HERC4: variants seen among roughly 807,000 people sequenced by gnomAD.
The protein encoded by HERC4 is HECT and RLD domain containing E3 ubiquitin protein ligase 4.
A neutral mutation model predicts 124.3 loss-of-function variants in HERC4; 28 were observed. The observed-to-expected ratio is 0.23, with a 90% CI of 0.17 to 0.31. HERC4 has a LOEUF of 0.31. Among genes scored for constraint, HERC4 ranks in the 10% least tolerant of loss-of-function variants. The pLI, the probability that HERC4 is intolerant of heterozygous loss-of-function variation, is 1.00. For synonymous variants in HERC4, 407 were observed against 421.5 expected, an observed-to-expected ratio of 0.97 and a Z score of 0.42; for missense variants, 713 against 1,229.3, an observed-to-expected ratio of 0.58 and a Z score of 6.28.
At chr10:68,064,962 C>T (rs1274455228) in intron 3 of HERC4, among the ~76,000 whole-genome samples, 1 of 148,588 alleles carries the variant, frequency 6.7e-6, no homozygotes, top group Non-Finnish European at 1.5e-5. Flanking sequence ...CAGAGCAAGG[C>T]TCCATCTCAA....
At chr10:67,994,920 C>G (rs1457419416) in intron 9 of HERC4, 3 of 178,240 alleles carry the variant, frequency 1.7e-5, no homozygotes, top group Non-Finnish European at 3.5e-5. Context: ...GAACTCCTGA[C>G]CTCAAGTGAT....
intron 20 of HERC4, 50 bp from the exon 21 acceptor site, chr10:67,939,704 T>C: frequency 4.5e-6 from 5 of 1,103,624 alleles, no homozygotes; most frequent in Non-Finnish European, 2.7e-6. Flanking sequence ...TTGGATATTT[T>C]GACTATTTTA....
chr10:67,932,684 T>G lies in HERC4; in HGVS notation c.2751A>C (p.Gly917=). ...GCTGAAAGAGCAGAAGGACTTTTCC[T>G]CCACAGACCTTATGAAAGCCCGCAT... is the stretch of plus-strand genomic sequence containing the variant. ...AFHAGFHKVC[G]GKVLLLFQPN... is the part of the protein sequence containing the mutation. Residue 917 remains glycine, a synonymous_variant, in exon 23 of 25, where the codon GGA becomes GGC. Transcript: ENST00000373700. 6.2e-7 allele frequency: 1 copy of G among 1,604,334 alleles called. No homozygotes were observed. The highest frequency in any genetic ancestry group is 1.1e-5 in the South Asian group (1 of 88,184).
intron 15 of HERC4, among the ~76,000 whole-genome samples, chr10:67,977,304 A>G (rs1311613063): frequency 6.6e-6 from 1 of 152,168 alleles, no homozygotes. Context: ...CTAGATACAC[A>G]GTGGCCAGAA....
At chr10:68,056,707 G>A (rs1369071939) in intron 3 of HERC4, among the ~76,000 whole-genome samples, 1 of 152,132 alleles carries the variant, frequency 6.6e-6, no homozygotes, top group Non-Finnish European at 1.5e-5. Context: ...AAGAGCTACT[G>A]GCCACAGTTC....
In HERC4 at chr10:67,932,710, G is replaced by A. The variant is rs1173955113; in HGVS notation, c.2725C>T (p.His909Tyr). ...CCACAGACCTTATGAAAGCCCGCAT[G>A]AAAAGCATCAAATAAGGAAGCCACT... ...KSVASLFDAFHAGFHKVCGGK... is the reference protein window; with the variant it reads ...KSVASLFDAFYAGFHKVCGGK... The change falls in exon 23 of 25, where the codon CAT becomes TAT. Residue 909 changes from histidine (H) to tyrosine (Y), a missense_variant. Physicochemically the swap from His to Tyr is moderately conservative, Grantham distance 83 (BLOSUM62 2). Coordinates refer to ENST00000373700, the MANE Select transcript of HERC4 (RefSeq NM_015601.4). 6.9e-6 allele frequency: 11 copies of A among 1,600,686 alleles called. No homozygotes were observed. Among genetic ancestry groups the A allele is most frequent in the East Asian group, 2.2e-5 (1 of 44,662 alleles).
intron 4 of HERC4, chr10:68,039,813 T>A: frequency 9.2e-7 from 1 of 1,087,774 alleles, no homozygotes; most frequent in African/African-American, 1.6e-5. Context: ...ACTAGGCAGA[T>A]GATACATTGA....
chr10:68,022,213 G>C (rs971376944), intron 8 of HERC4, among the ~76,000 whole-genome samples: 3 of 152,064 alleles, frequency 2.0e-5, no homozygotes, highest in Non-Finnish European at 2.9e-5. Context: ...AGAATGTACA[G>C]ACTCGGCCAG....
At chr10:68,022,065 G>A (rs1205533281) in intron 8 of HERC4, among the ~76,000 whole-genome samples, 1 of 152,046 alleles carries the variant, frequency 6.6e-6, no homozygotes, top group Non-Finnish European at 1.5e-5. Flanking sequence ...AAATTCTTAG[G>A]AATTAACAAG....
At chr10:68,064,994 A>C (rs974366048) in intron 3 of HERC4, among the ~76,000 whole-genome samples, 1 of 152,078 alleles carries the variant, frequency 6.6e-6, no homozygotes, top group Admixed American at 6.6e-5. Context: ...AATCCAAAAA[A>C]TAGAATACTT....
At chr10:68,006,213 CAAT>C (rs958406331) in intron 9 of HERC4, among the ~76,000 whole-genome samples, 101 of 152,278 alleles carry the variant, frequency 6.6e-4, no homozygotes, top group African/African-American at 2.3e-3. Context: ...GCGCACACCA[CAAT>C]GTCTGTGTAC....
intron 19 of HERC4, among the ~76,000 whole-genome samples, chr10:67,949,476 G>A (rs927768681): frequency 2.0e-5 from 3 of 151,844 alleles, no homozygotes; most frequent in African/African-American, 2.4e-5. Flanking sequence ...CCTTGCACAC[G>A]CACCCCAAAA....
rs1466058283 is a variant in HERC4 at position 68,059,434 on chromosome 10, CTATTATAATAATATTATA to C, written c.226+13431_226+13448del. Reference sequence around the variant, plus strand: ...TTCCTGGGTTGTTTTGTTTCTCTCGCTATTATAATAATATTATATATTATAATAATATTATATATTATA... The same window carrying C: ...TTCCTGGGTTGTTTTGTTTCTCTCGCTATTATAATAATATTATATATTATA... On this transcript the variant is annotated intron_variant, in intron 3 of 24. Coordinates refer to ENST00000373700, the MANE Select transcript of HERC4 (RefSeq NM_015601.4). Among the ~76,000 whole-genome samples, 52 of 100,132 alleles carry C rather than the reference CTATTATAATAATATTATA, an allele frequency of 5.2e-4. 1 individual carries two copies. Among genetic ancestry groups the C allele is most frequent in the South Asian group, 1.2e-3 (4 of 3,296 alleles). 65.7% of individuals were successfully genotyped at this position (100,132 alleles called of 152,430 possible).
At chr10:67,970,820 G>T (rs1165415390) in intron 15 of HERC4, among the ~76,000 whole-genome samples, 1 of 151,330 alleles carries the variant, frequency 6.6e-6, no homozygotes, top group African/African-American at 2.4e-5. Context: ...GAAATAAAGG[G>T]TCTAAAATCA....
intron 19 of HERC4, among the ~76,000 whole-genome samples, chr10:67,944,245 G>C (rs554707504): frequency 6.6e-6 from 1 of 152,202 alleles, no homozygotes; most frequent in Non-Finnish European, 1.5e-5. Flanking sequence ...GCTCCAGAGA[G>C]CTCAGCATAG....
At chr10:67,979,487 G>C (rs1045752104) in intron 15 of HERC4, among the ~76,000 whole-genome samples, 2 of 152,050 alleles carry the variant, frequency 1.3e-5, no homozygotes, top group African/African-American at 2.4e-5. Context: ...GCAAATCTAA[G>C]TTACTGGCCT....
intron 15 of HERC4, among the ~76,000 whole-genome samples, chr10:67,980,080 T>G (rs2035838347): frequency 6.6e-6 from 1 of 152,152 alleles, no homozygotes; most frequent in African/African-American, 2.4e-5. Context: ...AAGGGAAAAT[T>G]TATCCAGTGA....
Position 67,932,760 on chromosome 10 carries a change from T to A in HERC4, c.2675A>T (p.Tyr892Phe). The change falls in exon 23 of 25, where the codon TAT becomes TTT. Residue 892 changes from tyrosine to phenylalanine, a missense_variant. Physicochemically the swap from Tyr to Phe is conservative, Grantham distance 22 (BLOSUM62 3). Coordinates refer to ENST00000373700, the MANE Select transcript of HERC4 (RefSeq NM_015601.4). ...KQNRQEFVDA[Y>F]VDYIFNKSVA... The stretch of plus-strand genomic sequence containing the variant: ...TGATTTATTGAATATGTAATCCACA[T>A]AAGCATCGACAAACTCTTGCCTAGA... 2 of 1,596,172 alleles carry A rather than the reference T, an allele frequency of 1.3e-6. No individual in the cohort carries two copies. Among genetic ancestry groups the A allele is most frequent in the East Asian group, 4.5e-5 (2 of 44,448 alleles).
intron 9 of HERC4, 166 bp from the exon 10 acceptor site, chr10:67,992,848 G>A: frequency 1.9e-6 from 1 of 524,498 alleles, no homozygotes; most frequent in Admixed American, 3.4e-5. Flanking sequence ...ATGGGGATGA[G>A]ACTGACCAAA....
Sources: allele counts gnomAD v4.1 joint callset (sites outside exome capture counted in the v4.1 genomes callset), GRCh38; gene constraint gnomAD v4.1.1; transcripts MANE v1.5; gene names NCBI Gene and HGNC (gene_info 2026-07-23, HGNC 2026-07-21).